WDFY2: variants seen among roughly 807,000 people sequenced by gnomAD.
WDFY2 encodes the protein WD repeat and FYVE domain containing 2.
WDFY2 carries 36 observed loss-of-function variants against 56.4 expected under a neutral mutation model. The ratio of observed to expected loss-of-function variants is 0.64; its 90% CI spans 0.49 to 0.84. The LOEUF is 0.84. WDFY2 is among the 40% of genes least tolerant of loss of function. The pLI, the probability that WDFY2 is intolerant of heterozygous loss-of-function variation, is 0.00. For synonymous variants in WDFY2, 176 were observed against 183.7 expected, an observed-to-expected ratio of 0.96 and a Z score of 0.34; for missense variants, 444 against 512.2, an observed-to-expected ratio of 0.87 and a Z score of 1.29.
At chr13:51,590,174 A>G (rs999096980) in intron 1 of WDFY2, 4 of 152,204 alleles carry the variant, frequency 2.6e-5, no homozygotes, top group African/African-American at 9.6e-5. Flanking sequence ...TTGCAATGCT[A>G]TGGGAAAGTT....
chr13:51,603,723 T>C (rs1195926546), intron 1 of WDFY2, among the ~76,000 whole-genome samples: 1 of 152,222 alleles, frequency 6.6e-6, no homozygotes, highest in Admixed American at 6.5e-5. Context: ...TGAGGGCCAC[T>C]TTCCTAGTTT....
At chr13:51,590,304 A>G (rs1954019252) in intron 1 of WDFY2, 1 of 152,250 alleles carries the variant, frequency 6.6e-6, no homozygotes, top group South Asian at 2.1e-4. Context: ...GGTAAAAATC[A>G]TAGGATTTAA....
intron 7 of WDFY2, among the ~76,000 whole-genome samples, chr13:51,746,245 A>G (rs1953101684): frequency 6.6e-6 from 1 of 152,058 alleles, no homozygotes; most frequent in Non-Finnish European, 1.5e-5. Flanking sequence ...CCACTGCTGA[A>G]CTGGACTTTT....
chr13:51,635,158 G>C (rs1261486599), intron 1 of WDFY2, among the ~76,000 whole-genome samples: 1 of 152,028 alleles, frequency 6.6e-6, no homozygotes, highest in Non-Finnish European at 1.5e-5. Context: ...TGGCGAGGCT[G>C]GTCTTGAGCT....
chr13:51,740,196 C>T (rs1952936654), intron 7 of WDFY2, among the ~76,000 whole-genome samples: 1 of 152,162 alleles, frequency 6.6e-6, no homozygotes, highest in African/African-American at 2.4e-5. Context: ...TGTACAAATA[C>T]TTGTTTTAGT....
chr13:51,738,266 G>C (rs1469763417), intron 6 of WDFY2, among the ~76,000 whole-genome samples: 1 of 152,078 alleles, frequency 6.6e-6, no homozygotes, highest in Non-Finnish European at 1.5e-5. Flanking sequence ...CAGTATATAA[G>C]GGTTTGATTT....
chr13:51,586,768 ATAAT>A (rs1327879073), intron 1 of WDFY2: 1 of 152,204 alleles, frequency 6.6e-6, no homozygotes, highest in East Asian at 1.9e-4. Context: ...TACAATGTAA[ATAAT>A]AGAAATTATT....
intron 10 of WDFY2, 142 bp downstream of exon 10, chr13:51,756,604 T>C (rs1953390815): frequency 1.4e-6 from 2 of 1,380,052 alleles, no homozygotes; most frequent in Admixed American, 3.2e-5. Context: ...GTAAAAGCTC[T>C]CCTTTGCCAC....
At chr13:51,690,097 T>C (rs1211003077) in intron 3 of WDFY2, among the ~76,000 whole-genome samples, 1 of 151,848 alleles carries the variant, frequency 6.6e-6, no homozygotes, top group African/African-American at 2.4e-5. Flanking sequence ...TTTTATAGAT[T>C]GTTATTTATA....
intron 1 of WDFY2, among the ~76,000 whole-genome samples, chr13:51,617,942 CT>C (rs1229282090): frequency 6.6e-6 from 1 of 152,140 alleles, no homozygotes; most frequent in Non-Finnish European, 1.5e-5. Context: ...CCATTTGTTT[CT>C]ATTTACTGTT....
intron 5 of WDFY2, among the ~76,000 whole-genome samples, chr13:51,721,433 T>TA (rs1952487883): frequency 6.6e-6 from 1 of 152,040 alleles, no homozygotes; most frequent in South Asian, 2.1e-4. Context: ...TATTTGAAAA[T>TA]AAAAAACAAA....
chr13:51,754,751 T>TA (rs1399383992), intron 8 of WDFY2, among the ~76,000 whole-genome samples: 1 of 152,262 alleles, frequency 6.6e-6, no homozygotes, highest in Non-Finnish European at 1.5e-5. Flanking sequence ...AGTTGTTTGT[T>TA]ACAAACTTTA....
intron 6 of WDFY2, among the ~76,000 whole-genome samples, chr13:51,738,821 C>T (rs1008207684): frequency 3.3e-5 from 5 of 152,028 alleles, no homozygotes; most frequent in African/African-American, 1.2e-4. Context: ...TTGGTCTTTA[C>T]AGTAATTGAT....
At chr13:51,709,017 G>A (rs1214990244) in intron 4 of WDFY2, among the ~76,000 whole-genome samples, 1 of 152,128 alleles carries the variant, frequency 6.6e-6, no homozygotes, top group Admixed American at 6.5e-5. Flanking sequence ...CAAAACTGAT[G>A]AAACTTTAGG....
intron 3 of WDFY2, among the ~76,000 whole-genome samples, chr13:51,689,224 G>C (rs1299893090): frequency 6.6e-6 from 1 of 152,144 alleles, no homozygotes; most frequent in Non-Finnish European, 1.5e-5. Context: ...TGGGGAACCG[G>C]GGGTGGGAGG....
At chr13:51,749,522 C>T (rs946887414) in intron 7 of WDFY2, among the ~76,000 whole-genome samples, 10 of 151,978 alleles carry the variant, frequency 6.6e-5, no homozygotes, top group Non-Finnish European at 1.2e-4. Flanking sequence ...AATTGGAAAT[C>T]GTCCCATATA....
intron 2 of WDFY2, among the ~76,000 whole-genome samples, chr13:51,669,690 A>G (rs1470704213): frequency 2.0e-5 from 3 of 152,312 alleles, no homozygotes; most frequent in Admixed American, 6.5e-5. Context: ...ATAGGAAGCT[A>G]GAATATAACA....
chr13:51,652,858 T>G (rs1955422875), intron 1 of WDFY2, among the ~76,000 whole-genome samples: 1 of 152,202 alleles, frequency 6.6e-6, no homozygotes, highest in African/African-American at 2.4e-5. Context: ...CATTTCAACT[T>G]TGGTGAATCT....
chr13:51,711,601 T>G (rs988454153), intron 4 of WDFY2, among the ~76,000 whole-genome samples: 4 of 151,558 alleles, frequency 2.6e-5, no homozygotes, highest in Non-Finnish European at 4.4e-5. Context: ...CAAGAAAAAA[T>G]CAAACAACCC....
Sources: allele counts gnomAD v4.1 joint callset (sites outside exome capture counted in the v4.1 genomes callset), GRCh38; gene constraint gnomAD v4.1.1; transcripts MANE v1.5; gene names NCBI Gene and HGNC (gene_info 2026-07-23, HGNC 2026-07-21).